The following FARP1 variants were observed in gnomAD, a reference collection of about 807,000 sequenced individuals.
The protein encoded by FARP1 is FERM, ARH/RhoGEF and pleckstrin domain protein 1, also known as FERM, ARHGEF and pleckstrin domain-containing protein 1.
In FARP1, 52 loss-of-function variants were observed where a neutral mutation model predicts 128.8. That is an observed-to-expected ratio of 0.40 (90% CI 0.32 to 0.51). The LOEUF (loss-of-function observed/expected upper bound fraction) is 0.51. FARP1 is among the 20% of genes least tolerant of loss of function. FARP1 has a pLI of 0.45. For synonymous variants in FARP1, 580 were observed against 551.8 expected, an observed-to-expected ratio of 1.05 and a Z score of -0.72; for missense variants, 1,333 against 1,367.9, an observed-to-expected ratio of 0.97 and a Z score of 0.40.
chr13:98,414,691 A>T (rs1038920176), intron 16 of FARP1, among the ~76,000 whole-genome samples: 1 of 152,218 alleles, frequency 6.6e-6, no homozygotes, highest in African/African-American at 2.4e-5. Flanking sequence ...GGTCAAGAAC[A>T]TTTGCCCTAA....
intron 1 of FARP1, among the ~76,000 whole-genome samples, chr13:98,143,876 C>T (rs954435700): frequency 1.6e-4 from 25 of 151,892 alleles, no homozygotes; most frequent in African/African-American, 6.0e-4. Context: ...TTCCGGACCT[C>T]GGGCCGCAAT....
At chr13:98,364,037 G>A (rs1048576749) in intron 3 of FARP1, among the ~76,000 whole-genome samples, 8 of 152,174 alleles carry the variant, frequency 5.3e-5, no homozygotes, top group Non-Finnish European at 1.2e-4. Flanking sequence ...ACCGCACCTG[G>A]CCTGTCTTTC....
intron 4 of FARP1, 122 bp from the exon 5 acceptor site, chr13:98,367,995 G>A (rs1889171610): frequency 1.4e-6 from 1 of 696,866 alleles, no homozygotes; most frequent in Non-Finnish European, 2.4e-6. Context: ...TTGGAAAATG[G>A]CAGATGTGCA....
chr13:98,394,780 T>G (rs931780815), intron 12 of FARP1, among the ~76,000 whole-genome samples: 1 of 151,930 alleles, frequency 6.6e-6, no homozygotes, highest in East Asian at 1.9e-4. Flanking sequence ...ACAAAAAAAA[T>G]TTTTTTAATT....
chr13:98,226,476 C>CAT (rs1859138296), intron 2 of FARP1, among the ~76,000 whole-genome samples: 1 of 146,086 alleles, frequency 6.8e-6, no homozygotes. Flanking sequence ...AGGACTTCAT[C>CAT]TTTTTTTTTT....
chr13:98,153,524 T>C (rs1000987286), intron 1 of FARP1, among the ~76,000 whole-genome samples: 7 of 96,954 alleles, frequency 7.2e-5, no homozygotes, highest in South Asian at 3.4e-4. Context: ...TATATTTATA[T>C]ATATATTATA....
intron 2 of FARP1, among the ~76,000 whole-genome samples, chr13:98,241,957 T>C (rs1882797376): frequency 6.6e-6 from 1 of 151,948 alleles, no homozygotes; most frequent in African/African-American, 2.4e-5. Flanking sequence ...CTTAAAAAAT[T>C]AACCAGGCAC....
intron 1 of FARP1, among the ~76,000 whole-genome samples, chr13:98,188,382 G>A (rs190710504): frequency 3.9e-4 from 59 of 152,040 alleles, no homozygotes; most frequent in African/African-American, 9.6e-4. Flanking sequence ...GTGAAACCCC[G>A]TCTCTACTAA....
intron 2 of FARP1, among the ~76,000 whole-genome samples, chr13:98,238,148 G>A (rs147526292): frequency 1.3e-5 from 2 of 152,286 alleles, no homozygotes; most frequent in Non-Finnish European, 2.9e-5. Context: ...AGCTTCTCCC[G>A]ACTAAGAGGC....
Position 98,176,963 on chromosome 13 carries a change from C to A in FARP1, c.-24+33471C>A. 4 of 1,600,962 alleles carry A rather than the reference C, an allele frequency of 2.5e-6. No individual in the cohort carries two copies. Among genetic ancestry groups the A allele is most frequent in the Non-Finnish European group, 3.4e-6 (4 of 1,179,826 alleles). On this transcript the variant is annotated intron_variant, in intron 1 of 26. Coordinates refer to ENST00000319562, the MANE Select transcript of FARP1 (RefSeq NM_005766.4). This position sits in a 1 kb window ranked among gnomAD's most constrained non-coding sequence, Gnocchi z 6.2. Reference sequence around the variant, plus strand: ...GCCGAGCGGGTGGACCTGTACACCACGTCGAGGCTCTCAGGCGCCGCCTCC... The same window carrying A: ...GCCGAGCGGGTGGACCTGTACACCAAGTCGAGGCTCTCAGGCGCCGCCTCC...
At chr13:98,395,708 C>G (rs1890508676) in intron 13 of FARP1, 1 of 460,586 alleles carries the variant, frequency 2.2e-6, no homozygotes, top group East Asian at 3.4e-5. Flanking sequence ...TCCCCGCACT[C>G]TGCGAAGTCC....
In FARP1 at chr13:98,239,979, C is replaced by T. The variant is rs576290970; in HGVS notation, c.171+26566C>T. Among the ~76,000 whole-genome samples, 13 of 152,196 alleles carry T rather than the reference C, an allele frequency of 8.5e-5. No individual in the cohort carries two copies. In the South Asian group the frequency reaches 2.7e-3, roughly 32 times the overall value. On this transcript the variant is annotated intron_variant, in intron 2 of 26. Transcript: ENST00000319562. ...ACGGCTACCTCTCTTCTCCAGAGAG[C>T]GAGAGTGAAGTGAGCAGGTGATATC...
chr13:98,304,656 G>A (rs1354153085), intron 2 of FARP1, among the ~76,000 whole-genome samples: 2 of 152,214 alleles, frequency 1.3e-5, no homozygotes, highest in Non-Finnish European at 1.5e-5. Flanking sequence ...GATTTTAAGT[G>A]GTATCACCTT....
chr13:98,236,782 G>A (rs146495178), intron 2 of FARP1, among the ~76,000 whole-genome samples: 3,740 of 152,232 alleles, frequency 0.025, 144 homozygotes, highest in African/African-American at 0.084. Context: ...GAGGTCAGGA[G>A]TTTGAGACCA....
At chr13:98,402,425 T>A (rs1890815322) in intron 13 of FARP1, 1 of 152,236 alleles carries the variant, frequency 6.6e-6, no homozygotes, top group African/African-American at 2.4e-5. Context: ...GAATCAGGAT[T>A]GATAGCTGGC....
At position 98,453,126 on chromosome 13, in the gene FARP1, TGAA is replaced by T. The variant is rs1566338705; in HGVS notation, c.*4814_*4816del. ...GTTGACTTTTAAAAAAGGAGGAGGA[TGAA>T]GAAGGAAAAAAGGAAAAACAAAACC... is the stretch of plus-strand genomic sequence containing the variant. On this transcript the variant is annotated 3_prime_UTR_variant, in exon 27 of 27. Transcript: ENST00000319562. The T allele has an allele frequency of 3.7e-6, 6 of 1,606,190 alleles. No individual in the cohort carries two copies. The South Asian group carries it at 5.5e-5, about 15-fold the overall frequency.
At chr13:98,429,062 G>T (rs529054561) in intron 17 of FARP1, among the ~76,000 whole-genome samples, 2 of 152,280 alleles carry the variant, frequency 1.3e-5, no homozygotes, top group East Asian at 3.9e-4. Context: ...CTGGGTGAGG[G>T]GTGCACAATC....
intron 1 of FARP1, among the ~76,000 whole-genome samples, chr13:98,174,033 C>T (rs1049883464): frequency 2.2e-4 from 34 of 152,174 alleles, no homozygotes; most frequent in African/African-American, 7.0e-4. Context: ...CTTGCTTCTT[C>T]CTTCCAACTC....
chr13:98,444,460 C>T (rs760140816), intron 24 of FARP1, among the ~76,000 whole-genome samples: 3 of 152,156 alleles, frequency 2.0e-5, no homozygotes, highest in Non-Finnish European at 2.9e-5. Flanking sequence ...TTGACCCTCT[C>T]GTGAAGGCAG....
Sources: gnomAD v4.1 joint callset for allele counts (sites outside exome capture counted in the v4.1 genomes callset) on GRCh38, gnomAD v4.1.1 for gene constraint, Gnocchi (gnomAD v3.1) non-coding constraint, MANE v1.5 for transcripts, NCBI Gene and HGNC (gene_info 2026-07-23, HGNC 2026-07-21) for gene names.